PCCA: variants seen among roughly 807,000 people sequenced by gnomAD.
PCCA encodes the protein propionyl-CoA carboxylase alpha chain, mitochondrial.
Under a neutral mutation model 101.3 loss-of-function variants are expected in PCCA, and 74 were observed. That is an observed-to-expected ratio of 0.73 (90% CI 0.61 to 0.89). PCCA has a LOEUF of 0.89. Ranked by LOEUF, PCCA falls within the 40% of genes least tolerant of loss-of-function variation. The pLI, the probability that PCCA is intolerant of heterozygous loss-of-function variation, is 0.00. For synonymous variants in PCCA, 294 were observed against 313.6 expected, an observed-to-expected ratio of 0.94 and a Z score of 0.66; for missense variants, 891 against 907.0, an observed-to-expected ratio of 0.98 and a Z score of 0.23.
chr13:100,196,996 A>C (rs1222912942), intron 6 of PCCA, among the ~76,000 whole-genome samples: 2 of 152,146 alleles, frequency 1.3e-5, no homozygotes, highest in African/African-American at 2.4e-5. Context: ...TTGATGCCCC[A>C]CAGTCAATGT....
intron 1 of PCCA, among the ~76,000 whole-genome samples, chr13:100,096,130 C>T (rs1327204819): frequency 6.6e-6 from 1 of 152,082 alleles, no homozygotes; most frequent in Non-Finnish European, 1.5e-5. Flanking sequence ...CTTTATTGAC[C>T]CTGCAGATAC....
In PCCA at chr13:100,268,983, G is replaced by A. The variant is rs540931873; in HGVS notation, c.914+200G>A. Reference sequence around the variant, plus strand: ...TCCCAACTCAGCCTCCCACGTAGCCGGGACTACAGGTGTGTGCCACCATGC... The same window carrying A: ...TCCCAACTCAGCCTCCCACGTAGCCAGGACTACAGGTGTGTGCCACCATGC... On this transcript the variant is annotated intron_variant, in intron 11 of 23. Transcript: ENST00000376285. 2.1e-4 allele frequency among the ~76,000 whole-genome samples: 32 copies of A among 152,198 alleles called. No homozygotes were observed. The South Asian group carries it at 5.2e-3, about 25-fold the overall frequency.
intron 19 of PCCA, among the ~76,000 whole-genome samples, chr13:100,389,296 A>G (rs1009076170): frequency 3.3e-5 from 5 of 152,198 alleles, no homozygotes; most frequent in African/African-American, 9.7e-5. Context: ...AGGCCTACAT[A>G]AAAAGTAGAT....
intron 6 of PCCA, among the ~76,000 whole-genome samples, chr13:100,159,322 G>A (rs1335315657): frequency 6.6e-6 from 1 of 151,798 alleles, no homozygotes; most frequent in East Asian, 1.9e-4. Flanking sequence ...AACTCCTGAT[G>A]TCGTGATCCG....
rs146555628 is a variant in PCCA at position 100,243,650 on chromosome 13, A to C, written c.637+7772A>C. 6.5e-3 allele frequency among the ~76,000 whole-genome samples: 987 copies of C among 152,312 alleles called. 13 individuals are homozygous for C. The highest frequency in any genetic ancestry group is 0.022 in the African/African-American group (928 of 41,564). ...GGAATCTAAGATTCAAATGTATGAA[A>C]GTCTTTTACTGAACCTTATTGCCTT... On this transcript the variant is annotated intron_variant, in intron 8 of 23. Coordinates refer to ENST00000376285, the MANE Select transcript of PCCA (RefSeq NM_000282.4).
intron 6 of PCCA, chr13:100,198,369 A>C (rs1408781178): frequency 1.3e-5 from 2 of 152,198 alleles, no homozygotes; most frequent in Non-Finnish European, 2.9e-5. Context: ...GCAAAGCTTG[A>C]GTGTTTTGGA....
chr13:100,467,869 A>C (rs1433044305), intron 21 of PCCA, among the ~76,000 whole-genome samples: 1 of 152,204 alleles, frequency 6.6e-6, no homozygotes, highest in Non-Finnish European at 1.5e-5. Flanking sequence ...AAATGTTCTT[A>C]ATAGCATCTA....
At chr13:100,520,451 C>CCTAGCTAACAT (rs1555328979) in intron 22 of PCCA, among the ~76,000 whole-genome samples, 1 of 151,696 alleles carries the variant, frequency 6.6e-6, no homozygotes, top group Non-Finnish European at 1.5e-5. Flanking sequence ...ATCGAGACCA[C>CCTAGCTAACAT]GGTGAAACCC....
chr13:100,402,077 G>A (rs916571748), intron 19 of PCCA, among the ~76,000 whole-genome samples: 3 of 152,062 alleles, frequency 2.0e-5, no homozygotes, highest in Admixed American at 6.5e-5. Context: ...TTGTAAAAGT[G>A]CATAATAGAG....
intron 20 of PCCA, among the ~76,000 whole-genome samples, chr13:100,448,642 A>G (rs572095674): frequency 1.3e-5 from 2 of 152,350 alleles, no homozygotes; most frequent in African/African-American, 4.8e-5. Context: ...TTCAAACAAG[A>G]TATATGCAAG....
chr13:100,377,116 T>C (rs987064706), intron 19 of PCCA, among the ~76,000 whole-genome samples: 1 of 152,146 alleles, frequency 6.6e-6, no homozygotes, highest in Non-Finnish European at 1.5e-5. Flanking sequence ...CACCATGCTT[T>C]AGCTTGCCCT....
intron 7 of PCCA, among the ~76,000 whole-genome samples, chr13:100,216,971 T>C (rs1008463302): frequency 6.6e-6 from 1 of 151,498 alleles, no homozygotes; most frequent in African/African-American, 2.4e-5. Flanking sequence ...TATTTGAGTG[T>C]TGTGGCAGGT....
intron 7 of PCCA, among the ~76,000 whole-genome samples, chr13:100,215,063 T>G (rs998540451): frequency 1.3e-5 from 2 of 152,226 alleles, no homozygotes; most frequent in Admixed American, 1.3e-4. Flanking sequence ...TCGTTCAGAT[T>G]CTTGAAACTT....
chr13:100,434,379 C>T (rs200286859), intron 20 of PCCA, among the ~76,000 whole-genome samples: 1 of 152,068 alleles, frequency 6.6e-6, no homozygotes, highest in Non-Finnish European at 1.5e-5. Context: ...CTCAACAATA[C>T]CCTTTTCTAC....
At chr13:100,179,605 A>G (rs2056595381) in intron 6 of PCCA, among the ~76,000 whole-genome samples, 2 of 152,150 alleles carry the variant, frequency 1.3e-5, no homozygotes, top group South Asian at 2.1e-4. Flanking sequence ...TTAAATTACC[A>G]TGCTTTCTTT....
intron 21 of PCCA, chr13:100,464,356 T>C (rs2082364557): frequency 6.6e-6 from 1 of 152,208 alleles, no homozygotes; most frequent in Non-Finnish European, 1.5e-5. Context: ...ATCAACAGAA[T>C]AGATATTATC....
At chr13:100,443,730 A>T (rs530909784) in intron 20 of PCCA, among the ~76,000 whole-genome samples, 1 of 151,702 alleles carries the variant, frequency 6.6e-6, no homozygotes, top group East Asian at 1.9e-4. Flanking sequence ...TACTTTTTGT[A>T]TTCCTGTGCC....
At chr13:100,509,404 C>G (rs983464673) in intron 21 of PCCA, among the ~76,000 whole-genome samples, 1 of 152,150 alleles carries the variant, frequency 6.6e-6, no homozygotes, top group Non-Finnish European at 1.5e-5. Context: ...TGATGAACTT[C>G]CAGGGGCACG....
chr13:100,096,623 T>G (rs2046798049), intron 1 of PCCA, among the ~76,000 whole-genome samples: 1 of 152,180 alleles, frequency 6.6e-6, no homozygotes, highest in Non-Finnish European at 1.5e-5. Context: ...GGGCCTCTTG[T>G]GCCAAATTGT....
Sources: allele counts gnomAD v4.1 joint callset (sites outside exome capture counted in the v4.1 genomes callset), GRCh38; gene constraint gnomAD v4.1.1; transcripts MANE v1.5; gene names NCBI Gene and HGNC (gene_info 2026-07-23, HGNC 2026-07-21).